The following TMEM106B variants were observed in gnomAD, a reference collection of about 807,000 sequenced individuals.
TMEM106B encodes transmembrane protein 106B.
Under a neutral mutation model 31.1 loss-of-function variants are expected in TMEM106B, and 15 were observed. That is an observed-to-expected ratio of 0.48 (90% CI 0.32 to 0.74). TMEM106B has a LOEUF of 0.74. Among genes scored for constraint, TMEM106B ranks in the 30% least tolerant of loss-of-function variants. The probability of loss-of-function intolerance (pLI) is 0.03; values close to 1 mark genes in which losing one functional copy is unlikely to be tolerated. For synonymous variants in TMEM106B, 126 were observed against 112.5 expected, an observed-to-expected ratio of 1.12 and a Z score of -0.76; for missense variants, 283 against 327.3, an observed-to-expected ratio of 0.86 and a Z score of 1.04.
At chr7:12,230,939 A>T (rs74829679) in intron 6 of TMEM106B, 123 bp from the exon 7 acceptor site, 7 of 619,490 alleles carry the variant, frequency 1.1e-5, no homozygotes, top group Admixed American at 3.4e-5. Context: ...AGTATAGAAA[A>T]TTCTCAACCA....
chr7:12,237,003 G>A lies in TMEM106B; in HGVS notation c.*5028G>A, dbSNP rs1036856463. On this transcript the variant is annotated 3_prime_UTR_variant, in exon 8 of 8. Transcript: ENST00000396668. ...TAAATAATATAGAATATGAAAATATGTTTGGGCATTTACTGTTTATATTAT... is the reference window on the plus strand; with the variant it reads ...TAAATAATATAGAATATGAAAATATATTTGGGCATTTACTGTTTATATTAT... 1 of 151,960 alleles carries A rather than the reference G, an allele frequency of 6.6e-6. No homozygotes were observed. Among genetic ancestry groups the A allele is most frequent in the African/African-American group, 2.4e-5 (1 of 41,402 alleles). 9.4% of individuals were successfully genotyped at this position (151,960 alleles called of 1,614,324 possible). A position where few individuals can be genotyped will look rare whatever the true frequency, so the allele number is the denominator to read the frequency against.
At chr7:12,225,922 G>A (rs1360102062) in intron 4 of TMEM106B, among the ~76,000 whole-genome samples, 1 of 152,124 alleles carries the variant, frequency 6.6e-6, no homozygotes, top group Non-Finnish European at 1.5e-5. Context: ...TAGTCATGAA[G>A]TCCTTGCCCA....
Position 12,223,806 on chromosome 7 carries a change from T to A in TMEM106B, c.282-420T>A, listed in dbSNP as rs1405974432. On this transcript the variant is annotated intron_variant, in intron 3 of 7. Transcript: ENST00000396668. ...TGCGATCTCAGTTCACTCCAACCTC[T>A]GCCTCCCGGGTTCAAACTATTCTCC... Among the ~76,000 whole-genome samples the A allele has an allele frequency of 2.0e-5, 3 of 150,752 alleles. No homozygotes were observed. In the East Asian group the frequency reaches 5.9e-4, roughly 30 times the overall value.
rs1782193531 is a variant in TMEM106B at position 12,239,004 on chromosome 7, C to T, written c.*7029C>T. ...AAGCTTTAAAGGCAAGCATTGACTT[C>T]TCTTTAGCTATGAAAGTTTTAGATG... On this transcript the variant is annotated 3_prime_UTR_variant, in exon 8 of 8. Coordinates refer to ENST00000396668, the MANE Select transcript of TMEM106B (RefSeq NM_001134232.2). 1 of 152,110 alleles carries T rather than the reference C, an allele frequency of 6.6e-6. No individual in the cohort carries two copies. The highest frequency in any genetic ancestry group is 2.4e-5 in the African/African-American group (1 of 41,438). 9.4% of individuals were successfully genotyped at this position (152,110 alleles called of 1,614,324 possible). A position where few individuals can be genotyped will look rare whatever the true frequency, so the allele number is the denominator to read the frequency against.
In TMEM106B at chr7:12,235,954, T is replaced by A. The variant is rs1312460361; in HGVS notation, c.*3979T>A. On this transcript the variant is annotated 3_prime_UTR_variant, in exon 8 of 8. Coordinates refer to ENST00000396668, the MANE Select transcript of TMEM106B (RefSeq NM_001134232.2). ...TAAGAGTAATTAGTTTTATTCTCTCTTTTTTATAAAATCGGGTTTCAGATG... is the reference window on the plus strand; with the variant it reads ...TAAGAGTAATTAGTTTTATTCTCTCATTTTTATAAAATCGGGTTTCAGATG... The A allele has an allele frequency of 1.3e-5, 2 of 150,578 alleles. No homozygotes were observed. Among genetic ancestry groups the A allele is most frequent in the African/African-American group, 4.9e-5 (2 of 40,838 alleles). 9.3% of individuals were successfully genotyped at this position (150,578 alleles called of 1,614,324 possible). A position where few individuals can be genotyped will look rare whatever the true frequency, so the allele number is the denominator to read the frequency against.
chr7:12,227,157 GATT>G (rs1393049236), intron 4 of TMEM106B, among the ~76,000 whole-genome samples: 1 of 151,992 alleles, frequency 6.6e-6, no homozygotes, highest in Non-Finnish European at 1.5e-5. Flanking sequence ...TGAAAAATAA[GATT>G]ATTTGGATGA....
At chr7:12,215,572 T>A (rs1176227513) in intron 2 of TMEM106B, 2 of 318,706 alleles carry the variant, frequency 6.3e-6, no homozygotes, top group Non-Finnish European at 1.3e-5. Context: ...TCTTTCATGT[T>A]ATTTTTAAAA....
chr7:12,219,914 A>C (rs907518601), intron 3 of TMEM106B, among the ~76,000 whole-genome samples: 6 of 152,206 alleles, frequency 3.9e-5, no homozygotes, highest in African/African-American at 1.4e-4. Context: ...CAAAACATTA[A>C]ATCAAGAACA....
chr7:12,215,300 A>G (rs1781664895), intron 2 of TMEM106B, among the ~76,000 whole-genome samples: 1 of 152,214 alleles, frequency 6.6e-6, no homozygotes, highest in Admixed American at 6.5e-5. Context: ...CTTGTAAATG[A>G]AAACTTTTAG....
rs1424444733 is a variant in TMEM106B, at chr7:12,242,474, A to T, written c.*10499A>T. 1.3e-5 allele frequency: 2 copies of T among 148,820 alleles called. No individual in the cohort carries two copies. The highest frequency in any genetic ancestry group is 3.0e-5 in the Non-Finnish European group (2 of 66,650). 9.2% of individuals were successfully genotyped at this position (148,820 alleles called of 1,614,324 possible). The stretch of plus-strand genomic sequence containing the variant: ...GTTGATAACTTGTTAACATTTTTTT[A>T]TTTTAGAATAAATCTAAACAGAGAC... On this transcript the variant is annotated 3_prime_UTR_variant, in exon 8 of 8. Transcript: ENST00000396668.
chr7:12,213,000 C>T (rs897775684), intron 1 of TMEM106B, among the ~76,000 whole-genome samples: 2 of 152,038 alleles, frequency 1.3e-5, no homozygotes, highest in African/African-American at 4.8e-5. Context: ...AGGATATAAG[C>T]AGGAAAATAC....
At chr7:12,226,620 A>T (rs1583456013) in intron 4 of TMEM106B, among the ~76,000 whole-genome samples, 2 of 152,024 alleles carry the variant, frequency 1.3e-5, no homozygotes, top group African/African-American at 4.8e-5. Context: ...TGGTGGTTGG[A>T]AAGAGGGAGG....
chr7:12,242,222 A>C lies in TMEM106B; in HGVS notation c.*10247A>C, dbSNP rs1354311350. 1 of 93,256 alleles carries C rather than the reference A, an allele frequency of 1.1e-5. No homozygotes were observed. The highest frequency in any genetic ancestry group is 1.1e-4 in the Admixed American group (1 of 8,958). 5.8% of individuals were successfully genotyped at this position (93,256 alleles called of 1,614,324 possible). On this transcript the variant is annotated 3_prime_UTR_variant, in exon 8 of 8. Coordinates refer to ENST00000396668, the MANE Select transcript of TMEM106B (RefSeq NM_001134232.2). ...CCCCGTCTCTACTAAAAATACAAAA[A>C]ATTAGCCGGGCGCGGTGGCGGGCGC...
chr7:12,243,018 T>C lies in TMEM106B; in HGVS notation c.*11043T>C, dbSNP rs1254971980. Reference sequence around the variant, plus strand: ...CAACTACTTATCACTCAAACATTTGTTCTTGAAAAGAACTTCGTATAACAT... The same window carrying C: ...CAACTACTTATCACTCAAACATTTGCTCTTGAAAAGAACTTCGTATAACAT... On this transcript the variant is annotated 3_prime_UTR_variant, in exon 8 of 8. Transcript: ENST00000396668. 1 of 152,162 alleles carries C rather than the reference T, an allele frequency of 6.6e-6. No individual in the cohort carries two copies. The highest frequency in any genetic ancestry group is 1.9e-4 in the East Asian group (1 of 5,196). 9.4% of individuals were successfully genotyped at this position (152,162 alleles called of 1,614,324 possible). A position where few individuals can be genotyped will look rare whatever the true frequency, so the allele number is the denominator to read the frequency against.
rs1295515401 is a variant in TMEM106B, at chr7:12,236,447, T to C, written c.*4472T>C. ...TAATTTAACAAATATGGCAGATTTTTCATAACTAAGTCTTAAGTCTTCTAA... is the reference window on the plus strand; with the variant it reads ...TAATTTAACAAATATGGCAGATTTTCCATAACTAAGTCTTAAGTCTTCTAA... On this transcript the variant is annotated 3_prime_UTR_variant, in exon 8 of 8. Coordinates refer to ENST00000396668, the MANE Select transcript of TMEM106B (RefSeq NM_001134232.2). 1.3e-5 allele frequency: 2 copies of C among 152,014 alleles called. No homozygotes were observed. The highest frequency in any genetic ancestry group is 2.9e-5 in the Non-Finnish European group (2 of 67,904). 9.4% of individuals were successfully genotyped at this position (152,014 alleles called of 1,614,324 possible).
At chr7:12,228,079 A>G (rs1431056102) in intron 4 of TMEM106B, among the ~76,000 whole-genome samples, 3 of 151,970 alleles carry the variant, frequency 2.0e-5, no homozygotes, top group African/African-American at 7.2e-5. Context: ...TGAAATTGAC[A>G]TGAACATTAA....
chr7:12,229,575 T>G, intron 4 of TMEM106B, 104 bp from the exon 5 acceptor site: 1 of 983,278 alleles, frequency 1.0e-6, no homozygotes. Flanking sequence ...ACTTTCTTTT[T>G]CTTAATAAAT....
intron 3 of TMEM106B, among the ~76,000 whole-genome samples, chr7:12,223,814 G>A (rs570605951): frequency 7.4e-5 from 11 of 149,454 alleles, no homozygotes; most frequent in East Asian, 2.0e-4. Flanking sequence ...TCTGCCTCCC[G>A]GGTTCAAACT....
chr7:12,231,328 T>A (rs1782017489), intron 7 of TMEM106B: 1 of 452,156 alleles, frequency 2.2e-6, no homozygotes, highest in Non-Finnish European at 3.9e-6. Flanking sequence ...AAGTAGTGAA[T>A]CTGGATGTCA....
Sources: gnomAD v4.1 joint callset for allele counts (sites outside exome capture counted in the v4.1 genomes callset) on GRCh38, gnomAD v4.1.1 for gene constraint, MANE v1.5 for transcripts, NCBI Gene and HGNC (gene_info 2026-07-23, HGNC 2026-07-21) for gene names.